ACOXL: variants seen among roughly 807,000 people sequenced by gnomAD.
ACOXL encodes acyl-coenzyme A oxidase-like protein.
ACOXL carries 70 observed loss-of-function variants against 71.9 expected under a neutral mutation model. The observed-to-expected ratio is 0.97, with a 90% CI of 0.80 to 1.19. The LOEUF (loss-of-function observed/expected upper bound fraction) is 1.19, where lower values mean the gene tolerates loss of function less well. ACOXL is among the 50% of genes most tolerant of loss of function. The probability of loss-of-function intolerance (pLI) is 0.00; values close to 1 mark genes in which losing one functional copy is unlikely to be tolerated. For synonymous variants in ACOXL, 253 were observed against 281.6 expected (o/e 0.90, Z 1.02); for missense variants, 703 against 736.3 (o/e 0.95, Z 0.52).
intron 17 of ACOXL, chr2:111,094,424 G>A (rs917620942): frequency 6.6e-6 from 1 of 152,168 alleles, no homozygotes; most frequent in Non-Finnish European, 1.5e-5. Context: ...GACATGCATT[G>A]CTTACAGTTC....
At chr2:110,812,470 C>A (rs1039233581) in intron 9 of ACOXL, among the ~76,000 whole-genome samples, 3 of 152,174 alleles carry the variant, frequency 2.0e-5, no homozygotes, top group African/African-American at 7.2e-5. Context: ...CCTCCCCACT[C>A]CCTCCTCAAG....
intron 12 of ACOXL, among the ~76,000 whole-genome samples, chr2:110,977,659 A>T (rs1395566535): frequency 6.6e-6 from 1 of 152,206 alleles, no homozygotes; most frequent in East Asian, 1.9e-4. Context: ...CAGCATCTAA[A>T]TATTTACATT....
chr2:110,845,568 C>T (rs1691728993), intron 10 of ACOXL, among the ~76,000 whole-genome samples: 1 of 152,204 alleles, frequency 6.6e-6, no homozygotes, highest in Non-Finnish European at 1.5e-5. Flanking sequence ...ACTCCATACC[C>T]ATTAAACAAT....
chr2:110,820,374 G>A (rs1688451217), intron 9 of ACOXL, among the ~76,000 whole-genome samples: 1 of 152,160 alleles, frequency 6.6e-6, no homozygotes, highest in Non-Finnish European at 1.5e-5. Flanking sequence ...AACATAGGTG[G>A]AGAATGACCC....
At chr2:110,965,583 G>A (rs1471379026) in intron 12 of ACOXL, among the ~76,000 whole-genome samples, 1 of 152,172 alleles carries the variant, frequency 6.6e-6, no homozygotes, top group Non-Finnish European at 1.5e-5. Context: ...CTAGGTGATG[G>A]GAAATTTTTC....
At chr2:110,952,003 C>A (rs970903084) in intron 12 of ACOXL, among the ~76,000 whole-genome samples, 1 of 152,138 alleles carries the variant, frequency 6.6e-6, no homozygotes, top group Non-Finnish European at 1.5e-5. Flanking sequence ...CATTAAATGA[C>A]TTGAGGGTGT....
intron 11 of ACOXL, among the ~76,000 whole-genome samples, chr2:110,913,588 A>G (rs1036234639): frequency 2.0e-5 from 3 of 152,172 alleles, no homozygotes; most frequent in Admixed American, 6.5e-5. Context: ...AGTGGTTGCC[A>G]GGGACTGAGG....
At chr2:110,930,051 T>C (rs1484140320) in intron 11 of ACOXL, among the ~76,000 whole-genome samples, 1 of 152,144 alleles carries the variant, frequency 6.6e-6, no homozygotes, top group African/African-American at 2.4e-5. Flanking sequence ...TACTGCCTAG[T>C]AGAGCTGTGT....
chr2:110,978,861 G>C (rs2062577016), intron 12 of ACOXL, among the ~76,000 whole-genome samples: 1 of 152,018 alleles, frequency 6.6e-6, no homozygotes. Context: ...TCTTTATTTT[G>C]TCACAGCTTT....
At position 110,826,937 on chromosome 2, in the gene ACOXL, A is replaced by G. The variant is rs186696391; in HGVS notation, c.754-14434A>G. Among the ~76,000 whole-genome samples the G allele has an allele frequency of 2.0e-5, 3 of 151,950 alleles. No individual in the cohort carries two copies. The East Asian group carries it at 5.8e-4, about 29-fold the overall frequency. ...TCCCACAGTTGGGTGCTCTGTTCAG[A>G]TGGGCTCGCTCTCCATGGTGAGATG... is the stretch of plus-strand genomic sequence containing the variant. On this transcript the variant is annotated intron_variant, in intron 9 of 17. Transcript: ENST00000439055.
At chr2:111,020,979 A>G (rs1479226655) in intron 14 of ACOXL, among the ~76,000 whole-genome samples, 1 of 152,220 alleles carries the variant, frequency 6.6e-6, no homozygotes, top group Non-Finnish European at 1.5e-5. Flanking sequence ...TATCAATGCC[A>G]TCGATCACTT....
intron 16 of ACOXL, among the ~76,000 whole-genome samples, chr2:111,081,444 T>C (rs2196808): frequency 0.75 from 113,598 of 151,984 alleles, 42,477 homozygotes; most frequent in African/African-American, 0.78. Flanking sequence ...GAATAAAATA[T>C]CTAGGAATAC....
chr2:110,764,692 A>G (rs1390500437), intron 1 of ACOXL, among the ~76,000 whole-genome samples: 1 of 152,224 alleles, frequency 6.6e-6, no homozygotes, highest in African/African-American at 2.4e-5. Context: ...GCTGTAACAA[A>G]TATACCACTC....
intron 9 of ACOXL, among the ~76,000 whole-genome samples, chr2:110,833,157 T>C (rs2105661240): frequency 6.6e-6 from 1 of 152,312 alleles, no homozygotes; most frequent in Non-Finnish European, 1.5e-5. Flanking sequence ...ATAACTCAAC[T>C]GGAAATAACC....
chr2:111,085,914 C>T (rs1295580584), intron 16 of ACOXL, among the ~76,000 whole-genome samples: 1 of 152,084 alleles, frequency 6.6e-6, no homozygotes, highest in Non-Finnish European at 1.5e-5. Flanking sequence ...ATACAAATAA[C>T]CATCAGAGAC....
At chr2:110,978,288 A>G (rs1468004520) in intron 12 of ACOXL, among the ~76,000 whole-genome samples, 1 of 152,208 alleles carries the variant, frequency 6.6e-6, no homozygotes, top group African/African-American at 2.4e-5. Context: ...GAAAGGGGTG[A>G]ACTCACTCCA....
chr2:110,922,797 T>G (rs756670750), intron 11 of ACOXL, among the ~76,000 whole-genome samples: 1 of 152,138 alleles, frequency 6.6e-6, no homozygotes, highest in Non-Finnish European at 1.5e-5. Flanking sequence ...CAATAGAAAT[T>G]CAGTAATTGA....
chr2:110,880,890 C>T lies in ACOXL; in HGVS notation c.789-27899C>T, dbSNP rs187555903. Among the ~76,000 whole-genome samples the T allele has an allele frequency of 3.7e-3, 566 of 152,292 alleles. 6 individuals carry two copies. The highest frequency in any genetic ancestry group is 0.035 in the Admixed American group (530 of 15,294). On this transcript the variant is annotated intron_variant, in intron 10 of 17. Coordinates refer to ENST00000439055, the MANE Select transcript of ACOXL (RefSeq NM_001142807.4). ...GGCTCCTTTCTCCCACCTTCACTGA[C>T]ATTGGGTATGGCAAATCTGGTTTAG... is the stretch of plus-strand genomic sequence containing the variant.
intron 9 of ACOXL, 113 bp downstream of exon 9, chr2:110,805,508 C>T (rs1686528605): frequency 2.1e-6 from 3 of 1,447,340 alleles, no homozygotes; most frequent in East Asian, 2.3e-5. Context: ...ATAATATGGC[C>T]AGGGTTCCCG....
Sources: gnomAD v4.1 joint callset for allele counts (sites outside exome capture counted in the v4.1 genomes callset) on GRCh38, gnomAD v4.1.1 for gene constraint, MANE v1.5 for transcripts, NCBI Gene and HGNC (gene_info 2026-07-23, HGNC 2026-07-21) for gene names.